Variants in CHM observed in about 807,000 individuals in gnomAD.
CHM encodes CHM Rab escort protein, also known as rab proteins geranylgeranyltransferase component A 1.
Under a neutral mutation model 49.0 loss-of-function variants are expected in CHM, and 10 were observed. The ratio of observed to expected loss-of-function variants is 0.20; its 90% confidence interval spans 0.13 to 0.35. CHM has a LOEUF of 0.35. Among genes scored for constraint, CHM ranks in the 10% least tolerant of loss-of-function variants. CHM has a pLI of 1.00. For missense variants in CHM, 455 were observed against 478.4 expected (o/e 0.95, Z 0.46); for synonymous variants, 184 against 167.5 (o/e 1.10, Z -0.76).
intron 8 of CHM, among the ~76,000 whole-genome samples, chrX:85,942,756 T>C (rs1929185094): frequency 1.7e-5 from 1 of 59,813 alleles, no homozygotes. Flanking sequence ...CAATGTTTTC[T>C]TTTTTTTTTT....
At chrX:85,895,083 G>A (rs1438275672) in intron 11 of CHM, among the ~76,000 whole-genome samples, 1 of 108,682 alleles carries the variant, frequency 9.2e-6, no homozygotes. Context: ...TGATACGCTA[G>A]ATGGCTTTAT....
chrX:85,873,005 C>T (rs1208234144), intron 14 of CHM, 47 bp downstream of exon 14: 4 of 1,151,894 alleles, frequency 3.5e-6, no homozygotes, highest in Non-Finnish European at 4.7e-6. Flanking sequence ...TATTTCCCAA[C>T]CACACCAACA....
intron 1 of CHM, chrX:86,047,193 C>G: frequency 5.0e-6 from 2 of 397,024 alleles, no homozygotes; most frequent in Non-Finnish European, 8.9e-6. Context: ...TTTCATGACA[C>G]TGCACATCCA....
intron 1 of CHM, among the ~76,000 whole-genome samples, chrX:86,044,796 C>T (rs1934593188): frequency 8.9e-6 from 1 of 111,761 alleles, no homozygotes; most frequent in Non-Finnish European, 1.9e-5. Flanking sequence ...CTTGAGACTC[C>T]AGTTGGCCCT....
At chrX:86,006,498 G>A (rs1406283782) in intron 2 of CHM, among the ~76,000 whole-genome samples, 2 of 111,801 alleles carry the variant, frequency 1.8e-5, no homozygotes, top group Non-Finnish European at 1.9e-5. Flanking sequence ...TGATGTGATT[G>A]TATATTTAGA....
intron 8 of CHM, among the ~76,000 whole-genome samples, chrX:85,949,164 C>G (rs1929587525): frequency 8.9e-6 from 1 of 111,855 alleles, no homozygotes. Context: ...AGGTTACAAC[C>G]ATCTTTGGAG....
At chrX:85,959,491 C>T (rs1930185325) in intron 5 of CHM, among the ~76,000 whole-genome samples, 1 of 110,831 alleles carries the variant, frequency 9.0e-6, no homozygotes, top group African/African-American at 3.3e-5. Flanking sequence ...TCCAGTGAAC[C>T]TCCCTACCCC....
At chrX:85,952,527 A>T (rs1358347754) in intron 8 of CHM, among the ~76,000 whole-genome samples, 1 of 111,836 alleles carries the variant, frequency 8.9e-6, no homozygotes, top group Non-Finnish European at 1.9e-5. Flanking sequence ...ATCACTTGCT[A>T]GTTAAAAGCC....
intron 2 of CHM, among the ~76,000 whole-genome samples, chrX:85,995,398 C>T (rs985153388): frequency 2.3e-4 from 25 of 109,732 alleles, no homozygotes; most frequent in African/African-American, 8.0e-4. Context: ...AGGTTTTGCA[C>T]TAGACCCATT....
At chrX:85,911,376 G>T in intron 8 of CHM, 38 bp from the exon 9 acceptor site, 1 of 739,661 alleles carries the variant, frequency 1.4e-6, no homozygotes, top group Non-Finnish European at 2.0e-6. Context: ...TAGGGTAATT[G>T]GGTTGAAAAT....
chrX:85,864,376 A>C lies in CHM; in HGVS notation c.*254T>G. On this transcript the variant is annotated 3_prime_UTR_variant, in exon 15 of 15. Transcript: ENST00000357749. ...CATATCCACAGTTACATTCCTGAGA[A>C]TCAATTGATTTATAATTTTCATCTG... is the stretch of plus-strand genomic sequence containing the variant. 5.6e-6 allele frequency: 2 copies of C among 355,882 alleles called. No individual in the cohort carries two copies. The highest frequency in any genetic ancestry group is 5.0e-6 in the Non-Finnish European group (1 of 200,872). The allele number at this position is 355,882 out of a possible 1,213,427, so 29.3% of individuals were successfully genotyped here.
In CHM at chrX:85,894,200, T is replaced by G; in HGVS notation, c.1498A>C (p.Met500Leu). ...CTACTATGCTTACAGGTGCCTTTCATGCATGTCATCGTTGAAGAACATAAC... is the reference window on the plus strand; with the variant it reads ...CTACTATGCTTACAGGTGCCTTTCAGGCATGTCATCGTTGAAGAACATAAC... ...IELCSSTMTCMKGTYLVHLTC... is the reference protein window; with the variant it reads ...IELCSSTMTCLKGTYLVHLTC... Residue 500 changes from methionine (M) to leucine (L), a missense_variant, in exon 12 of 15, where the codon ATG becomes CTG. By Grantham distance (15) the Met-to-Leu change is conservative (BLOSUM62 2). Coordinates refer to ENST00000357749, the MANE Select transcript of CHM (RefSeq NM_000390.4). The G allele has an allele frequency of 8.3e-7, 1 of 1,207,823 alleles. No homozygotes were observed. Among genetic ancestry groups the G allele is most frequent in the Non-Finnish European group, 1.1e-6 (1 of 892,005 alleles).
chrX:86,011,875 A>C (rs761183017), intron 2 of CHM, among the ~76,000 whole-genome samples: 1 of 111,487 alleles, frequency 9.0e-6, no homozygotes, highest in African/African-American at 3.3e-5. Flanking sequence ...GATTCAGGTG[A>C]CCTCTAGAAA....
At chrX:85,935,608 T>C (rs751502865) in intron 8 of CHM, among the ~76,000 whole-genome samples, 4 of 112,083 alleles carry the variant, frequency 3.6e-5, no homozygotes, top group Non-Finnish European at 5.6e-5. Flanking sequence ...ACAATGGTAT[T>C]TGTGTATCTG....
rs1923425950 is a variant in CHM, at chrX:85,862,685, CT to C, written c.*1944del. Reference sequence around the variant, plus strand: ...GTAGGGATAGGAGCAGCCTGAGAGGCTAGTAAGTTAAGTTCTTCCATTACTC... The same window carrying C: ...GTAGGGATAGGAGCAGCCTGAGAGGCAGTAAGTTAAGTTCTTCCATTACTC... On this transcript the variant is annotated 3_prime_UTR_variant, in exon 15 of 15. Coordinates refer to ENST00000357749, the MANE Select transcript of CHM (RefSeq NM_000390.4). The C allele has an allele frequency of 9.0e-6, 1 of 111,621 alleles. No homozygotes were observed. The highest frequency in any genetic ancestry group is 3.3e-5 in the African/African-American group (1 of 30,676). 9.2% of individuals were successfully genotyped at this position (111,621 alleles called of 1,213,427 possible).
chrX:85,869,160 C>T (rs1037757337), intron 14 of CHM, among the ~76,000 whole-genome samples: 1 of 111,356 alleles, frequency 9.0e-6, no homozygotes, highest in Non-Finnish European at 1.9e-5. Flanking sequence ...TATATTAGTA[C>T]ATACGCCACA....
At chrX:86,009,943 T>C (rs1932986378) in intron 2 of CHM, among the ~76,000 whole-genome samples, 1 of 109,747 alleles carries the variant, frequency 9.1e-6, no homozygotes. Context: ...AATTTTAAAG[T>C]CCATCAATGA....
intron 8 of CHM, among the ~76,000 whole-genome samples, chrX:85,933,518 T>C (rs1044612369): frequency 8.9e-6 from 1 of 112,339 alleles, no homozygotes; most frequent in African/African-American, 3.2e-5. Flanking sequence ...TATGCCTATA[T>C]ACACTTTGCA....
chrX:85,939,701 T>C (rs1603256931), intron 8 of CHM, among the ~76,000 whole-genome samples: 1 of 112,408 alleles, frequency 8.9e-6, no homozygotes, highest in African/African-American at 3.2e-5. Context: ...CATATTCTTA[T>C]TCTTTTTCTA....
Sources: gnomAD v4.1 joint callset for allele counts (sites outside exome capture counted in the v4.1 genomes callset) on GRCh38, gnomAD v4.1.1 for gene constraint, MANE v1.5 for transcripts, NCBI Gene and HGNC (gene_info 2026-07-23, HGNC 2026-07-21) for gene names.